The following COLEC11 variants were observed in gnomAD, a reference collection of about 807,000 sequenced individuals.
COLEC11 encodes collectin-11.
In COLEC11, 20 loss-of-function variants were observed where a neutral mutation model predicts 27.3. The observed-to-expected ratio is 0.73, with a 90% confidence interval of 0.51 to 1.06. The LOEUF (loss-of-function observed/expected upper bound fraction) is 1.06, where lower values mean the gene tolerates loss of function less well. Among genes scored for constraint, COLEC11 ranks in the 50% least tolerant of loss-of-function variants. COLEC11 has a pLI of 0.00. For synonymous variants in COLEC11, 163 were observed against 154.7 expected (o/e 1.05, Z -0.40); for missense variants, 310 against 383.0 (o/e 0.81, Z 1.59).
intron 2 of COLEC11, among the ~76,000 whole-genome samples, chr2:3,606,926 C>T (rs1422455236): frequency 6.6e-6 from 1 of 152,228 alleles, no homozygotes; most frequent in Non-Finnish European, 1.5e-5. Context: ...CACACGCAGT[C>T]ACCATTCATT....
intron 3 of COLEC11, among the ~76,000 whole-genome samples, chr2:3,628,024 G>C (rs1664686359): frequency 6.6e-6 from 1 of 152,216 alleles, no homozygotes; most frequent in Non-Finnish European, 1.5e-5. Context: ...CAAAATCACA[G>C]CCTTCACAGG....
At chr2:3,642,748 A>G (rs1054596211) in intron 5 of COLEC11, among the ~76,000 whole-genome samples, 3 of 151,984 alleles carry the variant, frequency 2.0e-5, no homozygotes, top group African/African-American at 7.3e-5. Flanking sequence ...CCATCCTCCC[A>G]CCAGACCATG....
chr2:3,642,156 C>G (rs748322383), intron 5 of COLEC11, among the ~76,000 whole-genome samples: 4 of 152,190 alleles, frequency 2.6e-5, no homozygotes, highest in Non-Finnish European at 5.9e-5. Flanking sequence ...GACACCGTGC[C>G]GTCTGCGAGG....
At chr2:3,628,681 C>T (rs528748587) in intron 3 of COLEC11, among the ~76,000 whole-genome samples, 14 of 152,360 alleles carry the variant, frequency 9.2e-5, no homozygotes, top group Admixed American at 5.2e-4. Flanking sequence ...AAAGCCAGGC[C>T]ATGGCCCAGA....
intron 5 of COLEC11, among the ~76,000 whole-genome samples, chr2:3,642,740 A>G (rs1313944368): frequency 3.9e-5 from 6 of 152,244 alleles, no homozygotes; most frequent in East Asian, 1.9e-4. Context: ...CGCTCCAGCC[A>G]TCCTCCCACC....
chr2:3,622,980 T>C (rs1418103123), intron 3 of COLEC11, among the ~76,000 whole-genome samples: 1 of 152,198 alleles, frequency 6.6e-6, no homozygotes, highest in Non-Finnish European at 1.5e-5. Context: ...GTAAGGGAAG[T>C]CTAGTGGGAA....
At chr2:3,624,452 C>A (rs1167128350) in intron 3 of COLEC11, among the ~76,000 whole-genome samples, 1 of 152,204 alleles carries the variant, frequency 6.6e-6, no homozygotes, top group East Asian at 1.9e-4. Flanking sequence ...CCATGTCAGT[C>A]ACCTCAGTAT....
Position 3,598,364 on chromosome 2 carries a change from C to G in COLEC11, c.-27+3196C>G, listed in dbSNP as rs146705068. Reference sequence around the variant, plus strand: ...AAGATTTGGAAACACGGAAACACCACGAGGAGAAGAGCAGAAGGCTCTATT... The same window carrying G: ...AAGATTTGGAAACACGGAAACACCAGGAGGAGAAGAGCAGAAGGCTCTATT... On this transcript the variant is annotated intron_variant, in intron 1 of 6. Transcript: ENST00000349077. Among the ~76,000 whole-genome samples the G allele has an allele frequency of 4.6e-3, 707 of 152,356 alleles. 4 individuals carry two copies. Among genetic ancestry groups the G allele is most frequent in the African/African-American group, 0.016 (682 of 41,574 alleles).
At chr2:3,616,479 G>A (rs1663745461) in intron 3 of COLEC11, among the ~76,000 whole-genome samples, 2 of 152,356 alleles carry the variant, frequency 1.3e-5, no homozygotes, top group South Asian at 4.1e-4. Context: ...ATTGAGCACT[G>A]AGTGAACGAG....
At chr2:3,622,147 C>T (rs186184364) in intron 3 of COLEC11, among the ~76,000 whole-genome samples, 3,725 of 145,496 alleles carry the variant, frequency 0.026, 76 homozygotes, top group South Asian at 0.047. Context: ...CCAGCCTGGG[C>T]GACAGAATGA....
intron 3 of COLEC11, among the ~76,000 whole-genome samples, chr2:3,619,066 A>C (rs918970508): frequency 6.6e-6 from 1 of 151,928 alleles, no homozygotes; most frequent in Non-Finnish European, 1.5e-5. Flanking sequence ...TTTTTAGTGG[A>C]GTCTTTAGGG....
chr2:3,597,674 T>TAA (rs80108593), intron 1 of COLEC11, among the ~76,000 whole-genome samples: 38 of 141,970 alleles, frequency 2.7e-4, no homozygotes, highest in Non-Finnish European at 2.5e-4. Context: ...CCTGAGACAT[T>TAA]AAAAAAAAAA....
At position 3,644,097 on chromosome 2, in the gene COLEC11, G is replaced by T; in HGVS notation, c.795G>T (p.Glu265Asp). 1 of 1,612,636 alleles carries T rather than the reference G, an allele frequency of 6.2e-7. No individual in the cohort carries two copies. Residue 265 changes from glutamate to aspartate, a missense_variant, in exon 7 of 7, where the codon GAG becomes GAT. Glu to Asp is a conservative substitution (Grantham distance 45, BLOSUM62 2). Coordinates refer to ENST00000349077, the MANE Select transcript of COLEC11 (RefSeq NM_024027.5). ...ACACCACCATGTACTTCATGTGTGA[G>T]TTTGACAAGGAGAACATGTGAGCCT... Reference protein sequence around the residue: ...ACHTTMYFMCEFDKENM With the variant: ...ACHTTMYFMCDFDKENM
chr2:3,605,885 C>T (rs994562848), intron 2 of COLEC11: 57 of 545,546 alleles, frequency 1.0e-4, no homozygotes, highest in Non-Finnish European at 1.6e-4. Context: ...TGGCTGGGGG[C>T]TTTTTTCCGG....
Position 3,602,387 on chromosome 2 carries a change from C to T in COLEC11, c.-26-1928C>T, listed in dbSNP as rs1444525499. 2.6e-5 allele frequency among the ~76,000 whole-genome samples: 4 copies of T among 152,212 alleles called. No individual in the cohort carries two copies. The highest frequency in any genetic ancestry group is 9.7e-5 in the African/African-American group (4 of 41,448). On this transcript the variant is annotated intron_variant, in intron 1 of 6. Coordinates refer to ENST00000349077, the MANE Select transcript of COLEC11 (RefSeq NM_024027.5). The surrounding 1 kb of genome is among the most constrained non-coding windows in gnomAD (Gnocchi z 6.2). Reference sequence around the variant, plus strand: ...TCACCTCCTCAGTTCTGTTTCTCAGCAGCTGGCTGCACTGTTCACCTGGCT... The same window carrying T: ...TCACCTCCTCAGTTCTGTTTCTCAGTAGCTGGCTGCACTGTTCACCTGGCT...
chr2:3,619,382 G>A (rs778804356), intron 3 of COLEC11, among the ~76,000 whole-genome samples: 4 of 152,190 alleles, frequency 2.6e-5, no homozygotes, highest in Non-Finnish European at 5.9e-5. Flanking sequence ...CTTTTCACCA[G>A]TGAGTATGAT....
At chr2:3,612,504 C>T (rs116011069) in intron 2 of COLEC11, among the ~76,000 whole-genome samples, 2,236 of 152,100 alleles carry the variant, frequency 0.015, 58 homozygotes, top group African/African-American at 0.047. Flanking sequence ...GACCGGGGTC[C>T]GATGTAGAGA....
At chr2:3,612,357 A>T (rs1663274036) in intron 2 of COLEC11, among the ~76,000 whole-genome samples, 1 of 152,158 alleles carries the variant, frequency 6.6e-6, no homozygotes, top group East Asian at 1.9e-4. Context: ...AAATGACTAC[A>T]GAGCCGAGTC....
rs998762329 is a variant in COLEC11 at position 3,602,351 on chromosome 2, C to T, written c.-26-1964C>T. Among the ~76,000 whole-genome samples, 1 of 152,176 alleles carries T rather than the reference C, an allele frequency of 6.6e-6. No homozygotes were observed. Among genetic ancestry groups the T allele is most frequent in the Admixed American group, 6.5e-5 (1 of 15,280 alleles). On this transcript the variant is annotated intron_variant, in intron 1 of 6. Transcript: ENST00000349077. The surrounding 1 kb of genome is among the most constrained non-coding windows in gnomAD (Gnocchi z 6.2). ...GACTCGGAAAGTTGAACCCGAGCCC[C>T]TGACTTCACTTCACCTCCTCAGTTC...
Sources: gnomAD v4.1 joint callset for allele counts (sites outside exome capture counted in the v4.1 genomes callset) on GRCh38, gnomAD v4.1.1 for gene constraint, Gnocchi (gnomAD v3.1) non-coding constraint, MANE v1.5 for transcripts, NCBI Gene and HGNC (gene_info 2026-07-23, HGNC 2026-07-21) for gene names.